Variants in MAPK15 observed in about 807,000 individuals in gnomAD.
MAPK15 encodes mitogen-activated protein kinase 15, also known as ERK-7.
MAPK15 carries 61 observed loss-of-function variants against 60.8 expected under a neutral mutation model. The observed-to-expected ratio is 1.00, with a 90% CI of 0.82 to 1.24. The LOEUF is 1.24. Among genes scored for constraint, MAPK15 ranks in the 50% most tolerant of loss-of-function variants. The pLI, the probability that MAPK15 is intolerant of heterozygous loss-of-function variation, is 0.00. For missense variants in MAPK15, 808 were observed against 741.1 expected, an observed-to-expected ratio of 1.09 and a Z score of -1.05; for synonymous variants, 356 against 319.9, an observed-to-expected ratio of 1.11 and a Z score of -1.21.
At chr8:143,718,939 C>A (rs576567712) in intron 5 of MAPK15, 34 bp downstream of exon 5, 2 of 1,596,864 alleles carry the variant, frequency 1.3e-6, no homozygotes, top group Non-Finnish European at 1.7e-6. Flanking sequence ...TGCCACGTGG[C>A]CCGGCTCCCG....
At chr8:143,719,275 C>T (rs1817948573) in intron 6 of MAPK15, 68 bp from the exon 7 acceptor site, 1 of 1,532,692 alleles carries the variant, frequency 6.5e-7, no homozygotes, top group South Asian at 1.3e-5. Flanking sequence ...CCCCCATTCA[C>T]CCCCCAGCAA....
rs1476803850 is a variant in MAPK15, at chr8:143,720,576, A to AG, written c.780-123dup. ...CCCAGACTGCCTGCAGGTCAGGCACAGGGGCATCTACCTAGACAGGACAGC... is the reference window on the plus strand; with the variant it reads ...CCCAGACTGCCTGCAGGTCAGGCACAGGGGGCATCTACCTAGACAGGACAGC... On this transcript the variant is annotated intron_variant, in intron 8 of 13. Coordinates refer to ENST00000338033, the MANE Select transcript of MAPK15 (RefSeq NM_139021.3). This position sits in a 1 kb window ranked among gnomAD's most constrained non-coding sequence, Gnocchi z 4.6. The AG allele has an allele frequency of 6.8e-7, 1 of 1,481,292 alleles. No individual in the cohort carries two copies. The highest frequency in any genetic ancestry group is 9.0e-7 in the Non-Finnish European group (1 of 1,111,726). 91.8% of individuals were successfully genotyped at this position (1,481,292 alleles called of 1,614,324 possible). A position where few individuals can be genotyped will look rare whatever the true frequency, so the allele number is the denominator to read the frequency against.
chr8:143,718,492 C>G (rs558447185), intron 4 of MAPK15, 190 bp downstream of exon 4: 12 of 659,298 alleles, frequency 1.8e-5, no homozygotes, highest in Non-Finnish European at 3.2e-5. Context: ...GCAGCGACCC[C>G]TTTCGTCCCA....
At chr8:143,718,746 C>T in intron 4 of MAPK15, 29 bp from the exon 5 acceptor site, 4 of 1,492,528 alleles carry the variant, frequency 2.7e-6, no homozygotes, top group Non-Finnish European at 3.6e-6. Context: ...GCCCCCCACC[C>T]CCGACTGCAG....
At chr8:143,721,959 C>T (rs1193234710) in intron 13 of MAPK15, 79 bp downstream of exon 13, 2 of 1,516,306 alleles carry the variant, frequency 1.3e-6, no homozygotes, top group African/African-American at 1.4e-5. Flanking sequence ...CCCTCCCTTC[C>T]CCATGCTTCC....
chr8:143,721,123 C>G lies in MAPK15; in HGVS notation c.1023+18C>G. 1 of 1,605,798 alleles carries G rather than the reference C, an allele frequency of 6.2e-7. No homozygotes were observed. Among genetic ancestry groups the G allele is most frequent in the Non-Finnish European group, 8.5e-7 (1 of 1,175,562 alleles). On this transcript the variant is annotated intron_variant, in intron 10 of 13. Coordinates refer to ENST00000338033, the MANE Select transcript of MAPK15 (RefSeq NM_139021.3). ...TCTATCAGGTGCTCCGGCTCTCGAC[C>G]CCTATCATCCCCTGTCTACTGCACC...
At chr8:143,718,151 T>G in intron 3 of MAPK15, 61 bp from the exon 4 acceptor site, 5 of 1,613,106 alleles carry the variant, frequency 3.1e-6, no homozygotes, top group Non-Finnish European at 4.2e-6. Context: ...GAAACTGGCC[T>G]TCTTGGGCCC....
At position 143,720,101 on chromosome 8, in the gene MAPK15, C is replaced by T. The variant is rs1276066778; in HGVS notation, c.722-129C>T. The T allele has an allele frequency of 6.5e-6, 9 of 1,388,924 alleles. No individual in the cohort carries two copies. The highest frequency in any genetic ancestry group is 2.9e-5 in the African/African-American group (2 of 69,848). 86.0% of individuals were successfully genotyped at this position (1,388,924 alleles called of 1,614,324 possible). ...CCCTGGTGATGGGGTGTTTGAGCCC[C>T]GCCAGACAGCAGAAACCCTGTAGAG... On this transcript the variant is annotated intron_variant, in intron 7 of 13. Coordinates refer to ENST00000338033, the MANE Select transcript of MAPK15 (RefSeq NM_139021.3). This position sits in a 1 kb window ranked among gnomAD's most constrained non-coding sequence, Gnocchi z 4.6.
chr8:143,721,719 C>T, intron 12 of MAPK15, 33 bp from the exon 13 acceptor site: 1 of 1,613,312 alleles, frequency 6.2e-7, no homozygotes, highest in Non-Finnish European at 8.5e-7. Context: ...TCCTCTGCAC[C>T]TTTCAGTGAC....
Position 143,720,261 on chromosome 8 carries a change from C to T in MAPK15, c.753C>T (p.Ala251=), listed in dbSNP as rs782216283. The T allele has an allele frequency of 3.3e-5, 52 of 1,589,634 alleles. No homozygotes were observed. Among genetic ancestry groups the T allele is most frequent in the Non-Finnish European group, 4.4e-5 (51 of 1,167,606 alleles). ...DLLALGSGCR[A]SVLHQLGSRP... Reference sequence around the variant, plus strand: ...TGGCTCTCGGCTCAGGCTGCCGTGCCTCTGTGCTGCACCAGCTGGGGTCCC... The same window carrying T: ...TGGCTCTCGGCTCAGGCTGCCGTGCTTCTGTGCTGCACCAGCTGGGGTCCC... The change falls in exon 8 of 14, where the codon GCC becomes GCT. Residue 251 remains alanine, a synonymous_variant. Coordinates refer to ENST00000338033, the MANE Select transcript of MAPK15 (RefSeq NM_139021.3). This position sits in a 1 kb window ranked among gnomAD's most constrained non-coding sequence, Gnocchi z 4.6.
Position 143,722,193 on chromosome 8 carries a change from G to A in MAPK15, c.1577G>A (p.Gly526Glu), listed in dbSNP as rs1554620196. The change falls in exon 14 of 14, where the codon GGG becomes GAG. Residue 526 changes from glycine to glutamate, a missense_variant. Transcript: ENST00000338033. ...CTTGGAGGCTACTCCCAAGCCTACG[G>A]GACTGTCTGCCACTCGGCACTGGGC... is the stretch of plus-strand genomic sequence containing the variant. ...ALLGGYSQAY[G>E]TVCHSALGHL... 1.2e-6 allele frequency: 2 copies of A among 1,609,168 alleles called. No homozygotes were observed. The highest frequency in any genetic ancestry group is 4.5e-5 in the East Asian group (2 of 44,832).
In MAPK15 at chr8:143,718,276, A is replaced by G; in HGVS notation, c.260A>G (p.Asp87Gly). The G allele has an allele frequency of 1.2e-6, 2 of 1,614,034 alleles. No individual in the cohort carries two copies. Among genetic ancestry groups the G allele is most frequent in the Non-Finnish European group, 1.7e-6 (2 of 1,180,012 alleles). Residue 87 changes from aspartate (D) to glycine (G), a missense_variant, in exon 4 of 14, where the codon GAC (aspartate) becomes GGC (glycine). Physicochemically the swap from Asp to Gly is moderately conservative, Grantham distance 94 (BLOSUM62 -1). Coordinates refer to ENST00000338033, the MANE Select transcript of MAPK15 (RefSeq NM_139021.3). ...GTGATCCGGGCAGAGAACGACAGGG[A>G]CATTTACCTGGTGTTTGAGTTTATG... ...LDVIRAENDR[D>G]IYLVFEFMDT...
intron 7 of MAPK15, among the ~76,000 whole-genome samples, chr8:143,719,716 A>G (rs1237002877): frequency 6.6e-6 from 1 of 152,160 alleles, no homozygotes; most frequent in African/African-American, 2.4e-5. Flanking sequence ...ATGAGAGCCA[A>G]GCAGTGACCG....
chr8:143,721,304 C>T lies in MAPK15; in HGVS notation c.1097C>T (p.Ala366Val), dbSNP rs1554619781. 7 of 1,613,596 alleles carry T rather than the reference C, an allele frequency of 4.3e-6. No individual in the cohort carries two copies. The highest frequency in any genetic ancestry group is 5.9e-6 in the Non-Finnish European group (7 of 1,179,950). Residue 366 changes from alanine (A) to valine (V), a missense_variant, in exon 11 of 14, where the codon GCA becomes GTA. Ala to Val is a moderately conservative substitution (Grantham distance 64, BLOSUM62 0). Coordinates refer to ENST00000338033, the MANE Select transcript of MAPK15 (RefSeq NM_139021.3). Reference sequence around the variant, plus strand: ...CCGGAGGGTGTCTCCCCAAGCCAGGCACACCTGCACAAACCCAGAGCCGAC... The same window carrying T: ...CCGGAGGGTGTCTCCCCAAGCCAGGTACACCTGCACAAACCCAGAGCCGAC... ...KGPEGVSPSQ[A>V]HLHKPRADPQ...
In MAPK15 at chr8:143,718,209, C is replaced by G; in HGVS notation, c.196-3C>G. 6.2e-7 allele frequency: 1 copy of G among 1,614,192 alleles called. No homozygotes were observed. Among genetic ancestry groups the G allele is most frequent in the South Asian group, 1.1e-5 (1 of 91,080 alleles). ...TTCCAGCCGCCTCCGACTCTCTCCC[C>G]AGGAGTTTGGGGACCATCCCAACAT... is the stretch of plus-strand genomic sequence containing the variant. On this transcript the variant is annotated splice_polypyrimidine_tract_variant and splice_region_variant and intron_variant, in intron 3 of 13. Coordinates refer to ENST00000338033, the MANE Select transcript of MAPK15 (RefSeq NM_139021.3).
Position 143,718,332 on chromosome 8 carries a change from C to T in MAPK15, c.286+30C>T, listed in dbSNP as rs539227270. 4.3e-5 allele frequency: 69 copies of T among 1,600,542 alleles called. No homozygotes were observed. The African/African-American group carries it at 7.8e-4, about 18-fold the overall frequency. ...GTGAGGCCCCGGCCAGCGCCCCAGC[C>T]CCACCTCTGTTCTGTCCTGACGCCG... On this transcript the variant is annotated intron_variant, in intron 4 of 13. Coordinates refer to ENST00000338033, the MANE Select transcript of MAPK15 (RefSeq NM_139021.3).
At position 143,719,127 on chromosome 8, in the gene MAPK15, A is replaced by G; in HGVS notation, c.552A>G (p.Arg184=). The change falls in exon 6 of 14, where the codon CGA becomes CGG. Residue 184 remains arginine, a synonymous_variant. Transcript: ENST00000338033. ...AGTACGTGGCCACACGCTGGTACCG[A>G]GCACCGGAGGTGCTGCTCTCTTCGC... is the stretch of plus-strand genomic sequence containing the variant. ...VTEYVATRWY[R]APEVLLSSHR... The G allele has an allele frequency of 1.3e-6, 2 of 1,556,216 alleles. No individual in the cohort carries two copies. The highest frequency in any genetic ancestry group is 1.7e-6 in the Non-Finnish European group (2 of 1,150,582).
Position 143,721,804 on chromosome 8 carries a change from C to T in MAPK15, c.1382C>T (p.Ala461Val), listed in dbSNP as rs782318578. The T allele has an allele frequency of 1.2e-6, 2 of 1,612,922 alleles. No individual in the cohort carries two copies. Among genetic ancestry groups the T allele is most frequent in the South Asian group, 1.1e-5 (1 of 91,024 alleles). The change falls in exon 13 of 14, where the codon GCT becomes GTT. Residue 461 changes from alanine (A) to valine (V), a missense_variant. Ala to Val is a moderately conservative substitution (Grantham distance 64). Coordinates refer to ENST00000338033, the MANE Select transcript of MAPK15 (RefSeq NM_139021.3). ...AAPSLTSQAA[A>V]QVANQALIRG... ...CCCTCCCTGACCTCCCAGGCTGCGG[C>T]TCAGGTGGCCAACCAGGCCCTGATC... is the stretch of plus-strand genomic sequence containing the variant.
chr8:143,718,727 G>GGGGGCCCCCCCCCCCCC, intron 4 of MAPK15, 48 bp from the exon 5 acceptor site: 2 of 514,522 alleles, frequency 3.9e-6, no homozygotes, highest in Non-Finnish European at 6.3e-6. Flanking sequence ...CCCCCAGGTT[G>GGGGGCCCCCCCCCCCCC]CCCCCCCAGC....
Sources: gnomAD v4.1 joint callset for allele counts (sites outside exome capture counted in the v4.1 genomes callset) on GRCh38, gnomAD v4.1.1 for gene constraint, Gnocchi (gnomAD v3.1) non-coding constraint, MANE v1.5 for transcripts, NCBI Gene and HGNC (gene_info 2026-07-23, HGNC 2026-07-21) for gene names.